PAK3: variants seen among roughly 807,000 people sequenced by gnomAD.
PAK3 encodes the protein p21 (RAC1) activated kinase 3.
Under a neutral mutation model 41.0 loss-of-function variants are expected in PAK3, and 4 were observed. That is an observed-to-expected ratio of 0.10 (90% confidence interval 0.05 to 0.22). The LOEUF is 0.22. Among genes scored for constraint, PAK3 ranks in the 10% least tolerant of loss-of-function variants. The pLI, the probability that PAK3 is intolerant of heterozygous loss-of-function variation, is 1.00. For missense variants in PAK3, 205 were observed against 409.9 expected, an observed-to-expected ratio of 0.50 and a Z score of 4.32; for synonymous variants, 146 against 139.6, an observed-to-expected ratio of 1.05 and a Z score of -0.32.
chrX:110,945,876 A>G (rs746138956), intron 1 of PAK3, among the ~76,000 whole-genome samples: 1 of 112,085 alleles, frequency 8.9e-6, no homozygotes, highest in South Asian at 3.7e-4. Flanking sequence ...ATTGTTTTTC[A>G]GGGTCCAAAA....
upstream of PAK3, among the ~76,000 whole-genome samples, chrX:111,095,179 A>T (rs889626141): frequency 8.9e-6 from 1 of 112,029 alleles, no homozygotes; most frequent in Admixed American, 9.4e-5. Flanking sequence ...GTATGTGAGG[A>T]TATATTTATC....
chrX:110,946,356 C>CA (rs1556408470), intron 1 of PAK3, among the ~76,000 whole-genome samples: 1 of 23,153 alleles, frequency 4.3e-5, no homozygotes, highest in African/African-American at 1.1e-4. Context: ...GACTGGTGGC[C>CA]AAAAAAAAAA....
chrX:111,153,388 G>A (rs186667419), intron 8 of PAK3, among the ~76,000 whole-genome samples: 1 of 112,203 alleles, frequency 8.9e-6, no homozygotes, highest in African/African-American at 3.2e-5. Flanking sequence ...TAGAAAATAA[G>A]TAACCTAGTT....
chrX:111,038,940 A>G (rs944192308), intron 1 of PAK3, among the ~76,000 whole-genome samples: 11 of 111,449 alleles, frequency 9.9e-5, no homozygotes, highest in Non-Finnish European at 1.1e-4. Flanking sequence ...GGCTGGAGGT[A>G]TTAAATATAT....
At chrX:111,193,349 T>C (rs1413630633) in intron 13 of PAK3, among the ~76,000 whole-genome samples, 3 of 64,970 alleles carry the variant, frequency 4.6e-5, no homozygotes, top group African/African-American at 2.3e-4. Context: ...TTTACAGTCC[T>C]TTTTTTTTTT....
intron 1 of PAK3, among the ~76,000 whole-genome samples, chrX:110,971,431 T>C (rs2091205547): frequency 8.9e-6 from 1 of 112,650 alleles, no homozygotes; most frequent in South Asian, 3.7e-4. Flanking sequence ...CAGTTATTTT[T>C]ATTGCTGAAT....
chrX:110,968,816 T>C (rs919378736), intron 1 of PAK3, among the ~76,000 whole-genome samples: 1 of 111,127 alleles, frequency 9.0e-6, no homozygotes, highest in African/African-American at 3.3e-5. Context: ...TTTCATGGAG[T>C]AAAGTTTTTA....
At chrX:111,000,674 G>A (rs2091831721) in intron 1 of PAK3, among the ~76,000 whole-genome samples, 1 of 111,745 alleles carries the variant, frequency 8.9e-6, no homozygotes, top group South Asian at 3.8e-4. Context: ...ATTATGTTAA[G>A]GTGTTAAGAT....
intron 1 of PAK3, among the ~76,000 whole-genome samples, chrX:111,016,448 G>A (rs1165003213): frequency 9.0e-6 from 1 of 111,304 alleles, no homozygotes; most frequent in Non-Finnish European, 1.9e-5. Context: ...GGAAATATGA[G>A]AAATTCAAAA....
At chrX:110,960,940 T>G (rs2090965928) in intron 1 of PAK3, among the ~76,000 whole-genome samples, 1 of 111,884 alleles carries the variant, frequency 8.9e-6, no homozygotes, top group Non-Finnish European at 1.9e-5. Context: ...CTGGCTTCCC[T>G]CTTTTCCCTC....
In PAK3 at chrX:111,214,028, A is replaced by G. The variant is rs1256304159; in HGVS notation, c.1408-2393A>G. Among the ~76,000 whole-genome samples, 5 of 111,699 alleles carry G rather than the reference A, an allele frequency of 4.5e-5. No individual in the cohort carries two copies. In the Admixed American group the frequency reaches 4.8e-4, roughly 11 times the overall value. On this transcript the variant is annotated intron_variant, in intron 16 of 17. Coordinates refer to ENST00000372007, the MANE Select transcript of PAK3 (RefSeq NM_002578.5). ...TTCATCAATGAAGGTATTGAAAATT[A>G]CAAAGGAATGAGAGTTGGGGGAAAG...
chrX:111,010,680 C>T (rs968085514), intron 1 of PAK3, among the ~76,000 whole-genome samples: 15 of 111,485 alleles, frequency 1.3e-4, no homozygotes, highest in Non-Finnish European at 2.8e-4. Flanking sequence ...CCCCCTTCAC[C>T]TTCTACCATG....
rs528979083 is a variant in PAK3 at position 111,134,536 on chromosome X, T to C, written c.176-7560T>C. ...TGAGTCAGATGCTGTGCTAGATAGG[T>C]GCTGGGGTACAAAGGTGAAAAAGTC... is the stretch of plus-strand genomic sequence containing the variant. On this transcript the variant is annotated intron_variant, in intron 5 of 17. Coordinates refer to ENST00000372007, the MANE Select transcript of PAK3 (RefSeq NM_002578.5). 2.7e-5 allele frequency among the ~76,000 whole-genome samples: 3 copies of C among 111,913 alleles called. No homozygotes were observed. The Admixed American group carries it at 2.8e-4, about 11-fold the overall frequency.
intron 1 of PAK3, among the ~76,000 whole-genome samples, chrX:111,038,650 C>T (rs1009857193): frequency 8.9e-6 from 1 of 111,993 alleles, no homozygotes. Context: ...CTGACTCTGT[C>T]ATTTACTAGC....
chrX:110,945,043 C>G (rs2090584031), intron 1 of PAK3, among the ~76,000 whole-genome samples: 1 of 112,447 alleles, frequency 8.9e-6, no homozygotes, highest in Admixed American at 9.3e-5. Context: ...TCCTCAGCTT[C>G]CAGCTCCAGG....
chrX:111,077,108 G>A (rs1405226939), intron 1 of PAK3, among the ~76,000 whole-genome samples: 1 of 111,483 alleles, frequency 9.0e-6, no homozygotes, highest in Non-Finnish European at 1.9e-5. Context: ...CCAAGGAGGT[G>A]AGAGATCGCT....
intron 1 of PAK3, among the ~76,000 whole-genome samples, chrX:111,084,041 T>C (rs183665422): frequency 1.8e-5 from 2 of 113,011 alleles, no homozygotes; most frequent in Admixed American, 1.9e-4. Context: ...TATTTTTATC[T>C]TTTTGATTGC....
At chrX:111,179,318 A>G (rs1717174930) in intron 11 of PAK3, among the ~76,000 whole-genome samples, 1 of 110,072 alleles carries the variant, frequency 9.1e-6, no homozygotes, top group African/African-American at 3.3e-5. Context: ...CCTAGTCACA[A>G]TTACCCATTC....
At position 111,194,280 on chromosome X, in the gene PAK3, T is replaced by C. The variant is rs755227834; in HGVS notation, c.993-21T>C. ...GGTTTTTTAGCGTCATAAGGCAAAG[T>C]CTTTTCTTTTCTTGTTATAGCTACT... On this transcript the variant is annotated intron_variant, in intron 13 of 17. Transcript: ENST00000372007. 5 of 946,807 alleles carry C rather than the reference T, an allele frequency of 5.3e-6. No homozygotes were observed. In the East Asian group the frequency reaches 1.5e-4, roughly 29 times the overall value. 78.0% of individuals were successfully genotyped at this position (946,807 alleles called of 1,213,427 possible). A position where few individuals can be genotyped will look rare whatever the true frequency, so the allele number is the denominator to read the frequency against.
Sources: allele counts gnomAD v4.1 joint callset (sites outside exome capture counted in the v4.1 genomes callset), GRCh38; gene constraint gnomAD v4.1.1; transcripts MANE v1.5; gene names NCBI Gene and HGNC (gene_info 2026-07-23, HGNC 2026-07-21).